Variants in SUN1 observed in about 807,000 individuals in gnomAD.
The protein encoded by SUN1 is Sad1 and UNC84 domain containing 1.
SUN1 carries 61 observed loss-of-function variants against 103.2 expected under a neutral mutation model. The observed-to-expected ratio is 0.59, with a 90% confidence interval of 0.48 to 0.73. The LOEUF is 0.73. Ranked by LOEUF, SUN1 falls within the 30% of genes least tolerant of loss-of-function variation. The probability of loss-of-function intolerance (pLI) is 0.00; values close to 1 mark genes in which losing one functional copy is unlikely to be tolerated. For synonymous variants in SUN1, 490 were observed against 425.7 expected, an observed-to-expected ratio of 1.15 and a Z score of -1.86; for missense variants, 1,052 against 1,034.6, an observed-to-expected ratio of 1.02 and a Z score of -0.23.
chr7:868,351 G>A (rs533802887), intron 16 of SUN1: 3 of 215,242 alleles, frequency 1.4e-5, no homozygotes, highest in East Asian at 3.4e-4. Context: ...GGGTGCGATC[G>A]CAGGCCAGAG....
chr7:859,825 C>T (rs899757613), intron 13 of SUN1, among the ~76,000 whole-genome samples: 5 of 152,154 alleles, frequency 3.3e-5, no homozygotes, highest in African/African-American at 1.2e-4. Context: ...GCGGGGTGCC[C>T]GGTGGGTGCT....
rs373127086 is a variant in SUN1, at chr7:822,972, G to A, written c.-74+6299G>A. Among the ~76,000 whole-genome samples, 1,321 of 151,560 alleles carry A rather than the reference G, an allele frequency of 8.7e-3. 16 individuals are homozygous for A. Among genetic ancestry groups the A allele is most frequent in the Middle Eastern group, 0.034 (10 of 292 alleles). On this transcript the variant is annotated intron_variant, in intron 1 of 17. Coordinates refer to the SUN1 transcript ENST00000389574. Reference sequence around the variant, plus strand: ...CACCCGTGAATTCCCACACACACACGGCCCTGTGGCCACCCGCGAATTCCC... The same window carrying A: ...CACCCGTGAATTCCCACACACACACAGCCCTGTGGCCACCCGCGAATTCCC...
chr7:861,505 C>G (rs758878990), intron 15 of SUN1, 41 bp downstream of exon 15: 4 of 1,605,542 alleles, frequency 2.5e-6, no homozygotes, highest in Non-Finnish European at 2.6e-6. Flanking sequence ...TAGATGATCA[C>G]CTGTTAGCAG....
upstream of SUN1, among the ~76,000 whole-genome samples, chr7:816,451 C>T (rs1361834745): frequency 2.7e-5 from 4 of 148,698 alleles, no homozygotes; most frequent in South Asian, 6.5e-4. Context: ...CTCCCTCTCC[C>T]CCTCCCCTTC....
intron 3 of SUN1, 195 bp from the exon 4 acceptor site, chr7:843,011 G>A (rs770440059): frequency 1.0e-5 from 8 of 768,002 alleles, no homozygotes; most frequent in Middle Eastern, 7.6e-4. Flanking sequence ...TTTCTTCAAG[G>A]ATAAGCTTTC....
In SUN1 at chr7:857,888, A is replaced by G. The variant is rs1025148320; in HGVS notation, c.1455A>G (p.Leu485=). 15 of 1,602,784 alleles carry G rather than the reference A, an allele frequency of 9.4e-6. No homozygotes were observed. The African/African-American group carries it at 1.5e-4, about 16-fold the overall frequency. Residue 485 remains leucine, a synonymous_variant, in exon 13 of 19, where the codon CTA becomes CTG. Transcript: ENST00000401592. ...VEHLQLELDQ[L]KSELSSWRHV... is the part of the protein sequence containing the mutation. ...ACCTCCAGCTGGAGCTGGATCAGCTAAAGTCAGAGCTGTCCAGCTGGCGAC... is the reference window on the plus strand; with the variant it reads ...ACCTCCAGCTGGAGCTGGATCAGCTGAAGTCAGAGCTGTCCAGCTGGCGAC...
At chr7:844,199 G>A (rs1313932050) in intron 5 of SUN1, among the ~76,000 whole-genome samples, 1 of 152,214 alleles carries the variant, frequency 6.6e-6, no homozygotes, top group African/African-American at 2.4e-5. Flanking sequence ...GGGATTCCCT[G>A]GGGGGCTGGG....
chr7:815,949 G>A (rs952515713), upstream of SUN1: 2 of 205,418 alleles, frequency 9.7e-6, no homozygotes, highest in Non-Finnish European at 1.0e-5. Context: ...GTCGGAAGTG[G>A]GGGCTGCCTC....
intron 3 of SUN1, chr7:842,949 T>A (rs1584575926): frequency 3.3e-6 from 2 of 600,240 alleles, no homozygotes; most frequent in East Asian, 5.8e-5. Context: ...TTCCCTCATG[T>A]TCTGCTTTCC....
chr7:816,270 C>G (rs1352504980), upstream of SUN1: 2 of 201,678 alleles, frequency 9.9e-6, no homozygotes, highest in Non-Finnish European at 1.9e-5. Context: ...GGCCCCTCCC[C>G]CAGATGCAAA....
At chr7:846,290 G>A (rs1054002118) in intron 5 of SUN1, among the ~76,000 whole-genome samples, 3 of 151,778 alleles carry the variant, frequency 2.0e-5, no homozygotes, top group Non-Finnish European at 4.4e-5. Context: ...TGTATTTTTC[G>A]TAGAGACGGG....
In SUN1 at chr7:873,407, G is replaced by A; in HGVS notation, c.*76G>A. 7.6e-7 allele frequency: 1 copy of A among 1,318,148 alleles called. No individual in the cohort carries two copies. The highest frequency in any genetic ancestry group is 1.1e-6 in the Non-Finnish European group (1 of 916,962). 81.7% of individuals were successfully genotyped at this position (1,318,148 alleles called of 1,614,324 possible). On this transcript the variant is annotated 3_prime_UTR_variant, in exon 19 of 19. Coordinates refer to ENST00000401592, the MANE Select transcript of SUN1 (RefSeq NM_001130965.3). The stretch of plus-strand genomic sequence containing the variant: ...AAACACTGGAATCCTTCATGGACGA[G>A]GGCATATACAATGATGGGACAGTGC...
At chr7:828,207 T>C (rs1794452504), upstream of SUN1, among the ~76,000 whole-genome samples, 1 of 152,028 alleles carries the variant, frequency 6.6e-6, no homozygotes, top group East Asian at 1.9e-4. Flanking sequence ...CCTGGCCTTA[T>C]CTAATTTTAA....
intron 2 of SUN1, among the ~76,000 whole-genome samples, chr7:840,576 A>T (rs1207555277): frequency 6.6e-6 from 1 of 150,928 alleles, no homozygotes; most frequent in African/African-American, 2.4e-5. Context: ...TTTTCATCTG[A>T]TGGCTTTCCT....
intron 1 of SUN1, among the ~76,000 whole-genome samples, chr7:838,161 T>C (rs1232735202): frequency 1.3e-5 from 2 of 152,234 alleles, no homozygotes; most frequent in Non-Finnish European, 1.5e-5. Context: ...CACGCAATCC[T>C]CCTGCCTAGG....
Position 873,427 on chromosome 7 carries a change from C to T in SUN1, c.*96C>T. The T allele has an allele frequency of 1.8e-6, 2 of 1,128,748 alleles. No homozygotes were observed. Among genetic ancestry groups the T allele is most frequent in the East Asian group, 2.4e-5 (1 of 41,878 alleles). 69.9% of individuals were successfully genotyped at this position (1,128,748 alleles called of 1,614,324 possible). ...GACGAGGGCATATACAATGATGGGA[C>T]AGTGCCACACTCCTTCAATAAACGT... On this transcript the variant is annotated 3_prime_UTR_variant, in exon 19 of 19. Transcript: ENST00000401592.
At chr7:827,825 C>G (rs888736787), upstream of SUN1, among the ~76,000 whole-genome samples, 1 of 151,956 alleles carries the variant, frequency 6.6e-6, no homozygotes, top group Non-Finnish European at 1.5e-5. Flanking sequence ...ATTTTCGTGT[C>G]TACCATATAA....
At chr7:868,152 A>G (rs1263588943) in intron 16 of SUN1, among the ~76,000 whole-genome samples, 7 of 152,204 alleles carry the variant, frequency 4.6e-5, no homozygotes, top group African/African-American at 1.7e-4. Context: ...CTAAACACGA[A>G]TGAAATGCGT....
upstream of SUN1, chr7:832,372 G>T (rs1798763432): frequency 1.3e-6 from 1 of 753,102 alleles, no homozygotes; most frequent in African/African-American, 1.7e-5. Context: ...CACTGCTGCT[G>T]GCCGTGTTTC....
Sources: gnomAD v4.1 joint callset for allele counts (sites outside exome capture counted in the v4.1 genomes callset) on GRCh38, gnomAD v4.1.1 for gene constraint, MANE v1.5 for transcripts, NCBI Gene and HGNC (gene_info 2026-07-23, HGNC 2026-07-21) for gene names.